RUVBL2: variants seen among roughly 807,000 people sequenced by gnomAD.
The protein encoded by RUVBL2 is RuvB like AAA ATPase 2.
A neutral mutation model predicts 57.9 loss-of-function variants in RUVBL2; 9 were observed. The ratio of observed to expected loss-of-function variants is 0.16; its 90% CI spans 0.09 to 0.27. The LOEUF (loss-of-function observed/expected upper bound fraction) is 0.27. Among genes scored for constraint, RUVBL2 ranks in the 10% least tolerant of loss-of-function variants. The probability of loss-of-function intolerance (pLI) is 1.00; values close to 1 mark genes in which losing one functional copy is unlikely to be tolerated. For missense variants in RUVBL2, 456 were observed against 669.6 expected (o/e 0.68, Z 3.52); for synonymous variants, 278 against 264.6 (o/e 1.05, Z -0.49).
Position 49,015,676 on chromosome 19 carries a change from C to G in RUVBL2, c.1356C>G (p.Phe452Leu). ...AGGAGTACCAGGACGCCTTCCTCTT[C>G]AACGAACTCAGTAAGAATCCCCACC... Reference protein sequence around the residue: ...YMKEYQDAFLFNELKGETMDT... With the variant: ...YMKEYQDAFLLNELKGETMDT... The change falls in exon 14 of 15, where the codon TTC (phenylalanine) becomes TTG (leucine). Residue 452 changes from phenylalanine (F) to leucine (L), a missense_variant. By Grantham distance (22) the Phe-to-Leu change is conservative (BLOSUM62 0). Transcript: ENST00000595090. 6.2e-7 allele frequency: 1 copy of G among 1,613,906 alleles called. No homozygotes were observed.
rs1223043678 is a variant in RUVBL2 at position 49,014,477 on chromosome 19, T to G, written c.1002-7T>G. On this transcript the variant is annotated splice_polypyrimidine_tract_variant and splice_region_variant and intron_variant, in intron 11 of 14. Coordinates refer to ENST00000595090, the MANE Select transcript of RUVBL2 (RefSeq NM_006666.3). ...CTGACAGCCCCCTCTTTCTGCCTCT[T>G]CCTCAGAATCCGGGGCACCAGCTAC... 1.9e-6 allele frequency: 3 copies of G among 1,613,050 alleles called. No individual in the cohort carries two copies. The highest frequency in any genetic ancestry group is 2.5e-6 in the Non-Finnish European group (3 of 1,179,444).
At position 49,004,396 on chromosome 19, in the gene RUVBL2, G is replaced by A. The variant is rs377545771; in HGVS notation, c.243G>A (p.Thr81=). ...RAVLIAGQPG[T]GKTAIAMGMA... is the part of the protein sequence containing the mutation. ...TCCTTATTGCTGGCCAGCCGGGCACGGGGAAGACGGCCATCGCCATGGGTA... is the reference window on the plus strand; with the variant it reads ...TCCTTATTGCTGGCCAGCCGGGCACAGGGAAGACGGCCATCGCCATGGGTA... The change falls in exon 4 of 15, where the codon ACG becomes ACA. Residue 81 remains threonine (T), a synonymous_variant. Coordinates refer to ENST00000595090, the MANE Select transcript of RUVBL2 (RefSeq NM_006666.3). 25 of 1,612,838 alleles carry A rather than the reference G, an allele frequency of 1.6e-5. No individual in the cohort carries two copies. Among genetic ancestry groups the A allele is most frequent in the Middle Eastern group, 1.6e-4 (1 of 6,078 alleles).
chr19:49,015,735 G>A, intron 14 of RUVBL2, 49 bp downstream of exon 14: 1 of 1,611,262 alleles, frequency 6.2e-7, no homozygotes, highest in African/African-American at 1.3e-5. Flanking sequence ...ACCTCAGAGG[G>A]AGGAAGAGGG....
intron 8 of RUVBL2, 22 bp from the exon 9 acceptor site, chr19:49,010,466 T>TTC: frequency 2.0e-6 from 3 of 1,498,710 alleles, no homozygotes; most frequent in South Asian, 2.3e-5. Flanking sequence ...TCCGCCGTTC[T>TTC]TCCCCCACCC....
Position 49,010,468 on chromosome 19 carries a change from C to CA in RUVBL2, c.664-20_664-19insA. 2.5e-6 allele frequency: 2 copies of CA among 807,072 alleles called. No individual in the cohort carries two copies. Among genetic ancestry groups the CA allele is most frequent in the South Asian group, 1.4e-5 (1 of 71,010 alleles). The allele number at this position is 807,072 out of a possible 1,614,324, so 50.0% of individuals were successfully genotyped here. ...TCCCTGCCCTGTCTCCGCCGTTCTTCCCCCACCCCCGCCCCATAGACCAAG... is the reference window on the plus strand; with the variant it reads ...TCCCTGCCCTGTCTCCGCCGTTCTTCACCCCACCCCCGCCCCATAGACCAAG... On this transcript the variant is annotated intron_variant, in intron 8 of 14. Transcript: ENST00000595090.
At chr19:48,993,534 T>A (rs1040076075), upstream of RUVBL2, 1 of 445,044 alleles carries the variant, frequency 2.2e-6, no homozygotes, top group Non-Finnish European at 4.2e-6. Context: ...TTCAGCTCTG[T>A]CAATCTGGAG....
At chr19:49,010,293 C>T in intron 8 of RUVBL2, 195 bp from the exon 9 acceptor site, 1 of 687,932 alleles carries the variant, frequency 1.5e-6, no homozygotes, top group Non-Finnish European at 2.4e-6. Flanking sequence ...TCCGGGAGCC[C>T]CCGTGACCCT....
rs1028805521 is a variant in RUVBL2, at chr19:49,011,575, G to A, written c.1001+265G>A. Among the ~76,000 whole-genome samples the A allele has an allele frequency of 6.6e-6, 1 of 152,240 alleles. No homozygotes were observed. The highest frequency in any genetic ancestry group is 6.5e-5 in the Admixed American group (1 of 15,290). ...AAACTGCGTGCCGAGGCACCCCAGG[G>A]TGCTGCAGGAAACTCACAGGAGTGC... On this transcript the variant is annotated intron_variant, in intron 11 of 14. Coordinates refer to ENST00000595090, the MANE Select transcript of RUVBL2 (RefSeq NM_006666.3). This position sits in a 1 kb window ranked among gnomAD's most constrained non-coding sequence, Gnocchi z 4.4.
chr19:49,010,172 C>A, intron 8 of RUVBL2, 106 bp downstream of exon 8: 1 of 1,059,754 alleles, frequency 9.4e-7, no homozygotes. Flanking sequence ...GTTACCCTGA[C>A]TGTTTGTCCT....
In RUVBL2 at chr19:49,010,736, C is replaced by T; in HGVS notation, c.787+125C>T. 2.9e-6 allele frequency: 4 copies of T among 1,367,464 alleles called. No homozygotes were observed. In the South Asian group the frequency reaches 4.1e-5, roughly 14 times the overall value. 84.7% of individuals were successfully genotyped at this position (1,367,464 alleles called of 1,614,324 possible). On this transcript the variant is annotated intron_variant, in intron 9 of 14. Coordinates refer to ENST00000595090, the MANE Select transcript of RUVBL2 (RefSeq NM_006666.3). ...TCCACGCTGTTTCCTGTAACTCCGG[C>T]CCGTGGCTGCCTCTGTTCTCCACCT...
At chr19:49,003,772 GAA>G (rs1045716742) in intron 3 of RUVBL2, among the ~76,000 whole-genome samples, 3 of 135,112 alleles carry the variant, frequency 2.2e-5, no homozygotes, top group Non-Finnish European at 3.2e-5. Flanking sequence ...TGACATCTCG[GAA>G]AAAAAAAAAA....
Position 49,015,140 on chromosome 19 carries a change from G to T in RUVBL2, c.1241G>T (p.Arg414Leu). 2 of 1,607,840 alleles carry T rather than the reference G, an allele frequency of 1.2e-6. No homozygotes were observed. The highest frequency in any genetic ancestry group is 1.7e-6 in the Non-Finnish European group (2 of 1,177,742). Residue 414 changes from arginine to leucine, a missense_variant, in exon 13 of 15, where the codon CGG becomes CTG. Arg to Leu is a moderately radical substitution (Grantham distance 102). Coordinates refer to ENST00000595090, the MANE Select transcript of RUVBL2 (RefSeq NM_006666.3). ...QLITAASLVC[R>L]KRKGTEVQVD... ...ATCACAGCTGCCAGCTTGGTGTGCC[G>T]GAAACGCAAGGTCAGCCGGCCGAAT...
intron 3 of RUVBL2, 136 bp from the exon 4 acceptor site, chr19:49,004,139 AAG>A: frequency 3.1e-5 from 32 of 1,033,366 alleles, no homozygotes; most frequent in Admixed American, 1.9e-4. Flanking sequence ...AAAAAAAAAA[AAG>A]CAGGGAAAGC....
chr19:49,010,070 C>T lies in RUVBL2; in HGVS notation c.663+4C>T, dbSNP rs780149537. On this transcript the variant is annotated splice_donor_region_variant and intron_variant, in intron 8 of 14. Coordinates refer to ENST00000595090, the MANE Select transcript of RUVBL2 (RefSeq NM_006666.3). ...CTACGACGCTATGGGCTCCCAGGTG[C>T]GGCCGGGACTCCCGGGATCCCCTCG... The T allele has an allele frequency of 6.0e-5, 97 of 1,603,442 alleles. No individual in the cohort carries two copies. The East Asian group carries it at 1.2e-3, about 21-fold the overall frequency.
intron 1 of RUVBL2, among the ~76,000 whole-genome samples, chr19:48,995,443 A>G (rs1254797993): frequency 6.6e-6 from 1 of 151,172 alleles, no homozygotes; most frequent in African/African-American, 2.4e-5. Flanking sequence ...TCACACAGTG[A>G]CAGGGAAAGC....
chr19:48,994,522 G>T (rs1279534976), intron 1 of RUVBL2: 1 of 153,876 alleles, frequency 6.5e-6, no homozygotes, highest in South Asian at 1.9e-4. Context: ...CACGGGCTAC[G>T]TCTCAGTGTA....
rs372030050 is a variant in RUVBL2 at position 49,015,047 on chromosome 19, G to A, written c.1148G>A (p.Ser383Asn). 2.3e-5 allele frequency: 37 copies of A among 1,606,580 alleles called. No homozygotes were observed. The highest frequency in any genetic ancestry group is 3.0e-5 in the Non-Finnish European group (35 of 1,176,696). Residue 383 changes from serine to asparagine, a missense_variant, in exon 13 of 15, where the codon AGT (serine) becomes AAT (asparagine). By Grantham distance (46) the Ser-to-Asn change is conservative. Transcript: ENST00000595090. ...IRCEEEDVEM[S>N]EDAYTVLTRI... ...TGCGAGGAAGAAGATGTGGAGATGA[G>A]TGAGGACGCCTACACGGTGCTGACC...
intron 8 of RUVBL2, 21 bp from the exon 9 acceptor site, chr19:49,010,467 T>TCCGCCCCC: frequency 1.4e-6 from 2 of 1,401,204 alleles, no homozygotes; most frequent in Non-Finnish European, 2.0e-6. Flanking sequence ...CCGCCGTTCT[T>TCCGCCCCC]CCCCCACCCC....
Position 49,015,665 on chromosome 19 carries a change from G to A in RUVBL2, c.1345G>A (p.Ala449Thr), listed in dbSNP as rs778620327. Residue 449 changes from alanine to threonine, a missense_variant, in exon 14 of 15, where the codon GCC becomes ACC. Around this residue, in one of 5 missense-constraint regions of RUVBL2, gnomAD observed 67 missense variants for 71.5 expected, o/e 0.94. Transcript: ENST00000595090. ...GCAGTACATGAAGGAGTACCAGGAC[G>A]CCTTCCTCTTCAACGAACTCAGTAA... ...STQYMKEYQD[A>T]FLFNELKGET... The A allele has an allele frequency of 6.2e-6, 10 of 1,613,578 alleles. No individual in the cohort carries two copies. The highest frequency in any genetic ancestry group is 1.3e-5 in the African/African-American group (1 of 74,892).
Sources: gnomAD v4.1 joint callset for allele counts (sites outside exome capture counted in the v4.1 genomes callset) on GRCh38, gnomAD v4.1.1 for gene constraint, gnomAD v4.1.1 regional missense constraint, Gnocchi (gnomAD v3.1) non-coding constraint, MANE v1.5 for transcripts, NCBI Gene and HGNC (gene_info 2026-07-23, HGNC 2026-07-21) for gene names.